The following SNAI3 variants were observed in gnomAD, a reference collection of about 807,000 sequenced individuals.
The protein encoded by SNAI3 is snail family transcriptional repressor 3, also known as zinc finger protein SNAI3.
Under a neutral mutation model 16.4 loss-of-function variants are expected in SNAI3, and 21 were observed. The observed-to-expected ratio is 1.28, with a 90% confidence interval of 0.91 to 1.85. The LOEUF is 1.85. Ranked by LOEUF, SNAI3 falls within the 40% of genes most tolerant of loss-of-function variation. The probability of loss-of-function intolerance (pLI) is 0.00; values close to 1 mark genes in which losing one functional copy is unlikely to be tolerated. For synonymous variants in SNAI3, 202 were observed against 166.6 expected, an observed-to-expected ratio of 1.21 and a Z score of -1.64; for missense variants, 457 against 372.8, an observed-to-expected ratio of 1.23 and a Z score of -1.86.
intron 2 of SNAI3, among the ~76,000 whole-genome samples, chr16:88,679,827 C>T (rs926012600): frequency 2.0e-5 from 3 of 151,176 alleles, no homozygotes; most frequent in African/African-American, 7.3e-5. Context: ...TGCCTGTAAT[C>T]CCAGCACTTT....
chr16:88,681,922 T>C lies in SNAI3; in HGVS notation c.77-208A>G, dbSNP rs1909187431. On this transcript the variant is annotated intron_variant, in intron 1 of 2. Transcript: ENST00000332281. This position sits in a 1 kb window ranked among gnomAD's most constrained non-coding sequence, Gnocchi z 5.4. ...CAGCGTGGCCAGGAGTGGAGTCATC[T>C]AGAACAAGAAGGCCCCGCGGTCTAG... is the stretch of plus-strand genomic sequence containing the variant. Among the ~76,000 whole-genome samples, 1 of 152,120 alleles carries C rather than the reference T, an allele frequency of 6.6e-6. No individual in the cohort carries two copies. The highest frequency in any genetic ancestry group is 2.4e-5 in the African/African-American group (1 of 41,410).
chr16:88,686,228 T>C, intron 1 of SNAI3, 103 bp downstream of exon 1: 1 of 1,408,358 alleles, frequency 7.1e-7, no homozygotes, highest in Non-Finnish European at 9.5e-7. Context: ...TCCTCCCACC[T>C]GGGACAGGTG....
In SNAI3 at chr16:88,681,677, C is replaced by T. The variant is rs1241455127; in HGVS notation, c.114G>A (p.Val38=). ...CCTTGTCTCGGGGGAGGAGGGGCACCACCAGCCCCCCACAGGCAGAGCAGG... is the reference window on the plus strand; with the variant it reads ...CCTTGTCTCGGGGGAGGAGGGGCACTACCAGCCCCCCACAGGCAGAGCAGG... ...NGACSACGGL[V]VPLLPRDKEA... The change falls in exon 2 of 3, where the codon GTG becomes GTA. Residue 38 remains valine (V), a synonymous_variant. Transcript: ENST00000332281. The surrounding 1 kb of genome is among the most constrained non-coding windows in gnomAD (Gnocchi z 5.4). The T allele has an allele frequency of 6.8e-7, 1 of 1,475,174 alleles. No individual in the cohort carries two copies. The highest frequency in any genetic ancestry group is 2.4e-5 in the East Asian group (1 of 42,344). 91.4% of individuals were successfully genotyped at this position (1,475,174 alleles called of 1,614,324 possible).
chr16:88,679,179 C>T, intron 2 of SNAI3: 4 of 827,408 alleles, frequency 4.8e-6, no homozygotes, highest in Non-Finnish European at 5.8e-6. Context: ...GCCCAGAGCA[C>T]CTGCATTCCT....
In SNAI3 at chr16:88,677,884, C is replaced by T. The variant is rs897836215; in HGVS notation, c.*564G>A. ...AGAGTCTAGTGAGGTGGGGAGGGCA[C>T]GTGTGTGTACATGTTTGAGTGTGTG... On this transcript the variant is annotated 3_prime_UTR_variant, in exon 3 of 3. Transcript: ENST00000332281. 1.2e-4 allele frequency: 19 copies of T among 152,810 alleles called. No individual in the cohort carries two copies. The highest frequency in any genetic ancestry group is 3.6e-4 in the African/African-American group (15 of 41,448). 9.5% of individuals were successfully genotyped at this position (152,810 alleles called of 1,614,324 possible).
chr16:88,677,988 G>C lies in SNAI3; in HGVS notation c.*460C>G, dbSNP rs1188492164. On this transcript the variant is annotated 3_prime_UTR_variant, in exon 3 of 3. Coordinates refer to ENST00000332281, the MANE Select transcript of SNAI3 (RefSeq NM_178310.4). ...AAAGGCTGGCGGGGGCTGGCTGAGAGGTAGTTGTGCCTACTGAGGAAGGGC... is the reference window on the plus strand; with the variant it reads ...AAAGGCTGGCGGGGGCTGGCTGAGACGTAGTTGTGCCTACTGAGGAAGGGC... 1.3e-5 allele frequency: 2 copies of C among 157,710 alleles called. No individual in the cohort carries two copies. Among genetic ancestry groups the C allele is most frequent in the Non-Finnish European group, 2.8e-5 (2 of 71,498 alleles). 9.8% of individuals were successfully genotyped at this position (157,710 alleles called of 1,614,324 possible). A position where few individuals can be genotyped will look rare whatever the true frequency, so the allele number is the denominator to read the frequency against.
chr16:88,678,738 C>T (rs1567626115), intron 2 of SNAI3, 109 bp from the exon 3 acceptor site: 4 of 1,461,878 alleles, frequency 2.7e-6, no homozygotes, highest in Non-Finnish European at 3.6e-6. Flanking sequence ...CAAATGCTCA[C>T]AGCCAGAGCA....
chr16:88,682,978 T>C (rs774861709), intron 1 of SNAI3, among the ~76,000 whole-genome samples: 5 of 151,508 alleles, frequency 3.3e-5, no homozygotes, highest in Non-Finnish European at 7.4e-5. Flanking sequence ...AGGATTTCAC[T>C]GTGTTAGCCA....
rs1016645427 is a variant in SNAI3 at position 88,678,493 on chromosome 16, G to T, written c.834C>A (p.Ser278=). The change falls in exon 3 of 3, where the codon TCC becomes TCA. Residue 278 remains serine (S), a synonymous_variant. Transcript: ENST00000332281. The part of the protein sequence containing the change: ...RRCTKTFSRM[S]LLARHEESGC... ...CAGACTCCTCATGCCGCGCCAGGAG[G>T]GACATGCGGGAGAAGGTCTTGGTGC... The T allele has an allele frequency of 5.1e-6, 4 of 781,292 alleles. No individual in the cohort carries two copies. The African/African-American group carries it at 6.8e-5, about 13-fold the overall frequency. The allele number at this position is 781,292 out of a possible 1,614,324, so 48.4% of individuals were successfully genotyped here. A position where few individuals can be genotyped will look rare whatever the true frequency, so the allele number is the denominator to read the frequency against.
chr16:88,683,193 A>C (rs905300855), intron 1 of SNAI3, among the ~76,000 whole-genome samples: 1 of 149,958 alleles, frequency 6.7e-6, no homozygotes, highest in Non-Finnish European at 1.5e-5. Flanking sequence ...CCCAGGTCCA[A>C]ATGATTTTCC....
At chr16:88,684,341 C>T (rs543310626) in intron 1 of SNAI3, among the ~76,000 whole-genome samples, 11 of 152,362 alleles carry the variant, frequency 7.2e-5, no homozygotes, top group Non-Finnish European at 1.3e-4. Flanking sequence ...GGCCCAGTGG[C>T]TGAGCCCAGA....
intron 1 of SNAI3, among the ~76,000 whole-genome samples, chr16:88,682,114 C>G (rs543835170): frequency 2.6e-5 from 4 of 152,292 alleles, no homozygotes; most frequent in African/African-American, 9.6e-5. Context: ...CAGCCTGGGC[C>G]GGCATCCTCC....
rs1382607223 is a variant in SNAI3 at position 88,681,489 on chromosome 16, G to A, written c.302C>T (p.Ala101Val). 1.3e-6 allele frequency: 2 copies of A among 1,561,766 alleles called. No individual in the cohort carries two copies. Among genetic ancestry groups the A allele is most frequent in the Admixed American group, 3.6e-5 (2 of 55,646 alleles). The change falls in exon 2 of 3, where the codon GCC becomes GTC. Residue 101 changes from alanine to valine, a missense_variant. Coordinates refer to ENST00000332281, the MANE Select transcript of SNAI3 (RefSeq NM_178310.4). The surrounding 1 kb of genome is among the most constrained non-coding windows in gnomAD (Gnocchi z 5.4). ...CAGGCTGTCTTTGAGGGGTACAATG[G>A]CGGCCCGGCTGGCCCGAGGGTCGAC... ...SEVDPRASRA[A>V]IVPLKDSLNH...
chr16:88,680,635 G>T (rs1292124417), intron 2 of SNAI3, among the ~76,000 whole-genome samples: 1 of 150,946 alleles, frequency 6.6e-6, no homozygotes, highest in Non-Finnish European at 1.5e-5. Flanking sequence ...GTCTCACTCT[G>T]TTGCTCAGGC....
Position 88,681,384 on chromosome 16 carries a change from G to A in SNAI3, c.407C>T (p.Pro136Leu), listed in dbSNP as rs771458554. Residue 136 changes from proline (P) to leucine (L), a missense_variant, in exon 2 of 3, where the codon CCG becomes CTG. Coordinates refer to ENST00000332281, the MANE Select transcript of SNAI3 (RefSeq NM_178310.4). The surrounding 1 kb of genome is among the most constrained non-coding windows in gnomAD (Gnocchi z 5.4). ...PTLGPDRHGAPEKLLGAERMP... is the reference protein window; with the variant it reads ...PTLGPDRHGALEKLLGAERMP... The stretch of plus-strand genomic sequence containing the variant: ...CCGCTCAGCCCCAAGCAGTTTTTCC[G>A]GAGCCCCGTGCCGGTCTGGGCCCAA... The A allele has an allele frequency of 3.0e-5, 49 of 1,612,376 alleles. No individual in the cohort carries two copies. Among genetic ancestry groups the A allele is most frequent in the East Asian group, 6.7e-5 (3 of 44,862 alleles).
chr16:88,680,736 C>A (rs1013209424), intron 2 of SNAI3, among the ~76,000 whole-genome samples: 16 of 151,874 alleles, frequency 1.1e-4, no homozygotes, highest in African/African-American at 7.3e-5. Flanking sequence ...GTAGCTGGGC[C>A]TACCAGCACG....
At chr16:88,679,288 C>T (rs904777594) in intron 2 of SNAI3, among the ~76,000 whole-genome samples, 2 of 152,180 alleles carry the variant, frequency 1.3e-5, no homozygotes, top group African/African-American at 4.8e-5. Flanking sequence ...CCCCAGGGCC[C>T]TTTGGCACGG....
Position 88,681,800 on chromosome 16 carries a change from TCA to T in SNAI3, c.77-88_77-87del. The T allele has an allele frequency of 7.7e-7, 1 of 1,291,702 alleles. No homozygotes were observed. The highest frequency in any genetic ancestry group is 9.9e-7 in the Non-Finnish European group (1 of 1,013,246). The allele number at this position is 1,291,702 out of a possible 1,614,324, so 80.0% of individuals were successfully genotyped here. A position where few individuals can be genotyped will look rare whatever the true frequency, so the allele number is the denominator to read the frequency against. ...TTCCAACTCTGATTCGTGGACCCAG[TCA>T]CAGCCCATCAGCAGCCTGGCGTGGG... On this transcript the variant is annotated intron_variant, in intron 1 of 2. Coordinates refer to ENST00000332281, the MANE Select transcript of SNAI3 (RefSeq NM_178310.4). This position sits in a 1 kb window ranked among gnomAD's most constrained non-coding sequence, Gnocchi z 5.4.
rs201383069 is a variant in SNAI3, at chr16:88,678,437, C to A, written c.*11G>T. 7.6e-5 allele frequency: 58 copies of A among 763,982 alleles called. No homozygotes were observed. Among genetic ancestry groups the A allele is most frequent in the Non-Finnish European group, 2.6e-5 (11 of 415,208 alleles). The allele number at this position is 763,982 out of a possible 1,614,324, so 47.3% of individuals were successfully genotyped here. ...GGACCATCCCTCCTACCTGCGCCGA[C>A]CACGTGCCTCTCAGGGGCCCGGGCA... On this transcript the variant is annotated 3_prime_UTR_variant, in exon 3 of 3. Transcript: ENST00000332281.
Sources: gnomAD v4.1 joint callset for allele counts (sites outside exome capture counted in the v4.1 genomes callset) on GRCh38, gnomAD v4.1.1 for gene constraint, Gnocchi (gnomAD v3.1) non-coding constraint, MANE v1.5 for transcripts, NCBI Gene and HGNC (gene_info 2026-07-23, HGNC 2026-07-21) for gene names.